The following ITPR1 variants were observed in gnomAD, a reference collection of about 807,000 sequenced individuals.
The protein encoded by ITPR1 is inositol 1,4,5-trisphosphate receptor type 1.
Under a neutral mutation model 318.4 loss-of-function variants are expected in ITPR1, and 96 were observed. The observed-to-expected ratio is 0.30, with a 90% CI of 0.26 to 0.36. The LOEUF is 0.36. Ranked by LOEUF, ITPR1 falls within the 10% of genes least tolerant of loss-of-function variation. ITPR1 has a pLI of 1.00. For missense variants in ITPR1, 2,440 were observed against 3,460.2 expected, an observed-to-expected ratio of 0.71 and a Z score of 7.40; for synonymous variants, 1,312 against 1,289.9, an observed-to-expected ratio of 1.02 and a Z score of -0.37.
intron 4 of ITPR1, among the ~76,000 whole-genome samples, chr3:4,559,762 C>T (rs987762744): frequency 6.6e-6 from 1 of 152,154 alleles, no homozygotes; most frequent in Non-Finnish European, 1.5e-5. Flanking sequence ...TCCATATAAT[C>T]CACACAAGGA....
At chr3:4,717,502 G>C in intron 40 of ITPR1, 103 bp downstream of exon 40, 2 of 950,302 alleles carry the variant, frequency 2.1e-6, no homozygotes, top group Non-Finnish European at 1.7e-6. Context: ...ACAGCGTCGA[G>C]TATCTGGCTT....
Position 4,627,854 on chromosome 3 carries a change from C to T in ITPR1, c.255C>T (p.Asp85=), listed in dbSNP as rs367814655. ...AGCCTGGGGCCAACAGCACCACAGA[C>T]GCAGTGCTACTCAACAAACTGCACG... ...AAKPGANSTT[D]AVLLNKLHHA... Residue 85 remains aspartate, a synonymous_variant, in exon 5 of 62, where the codon GAC becomes GAT. Transcript: ENST00000649015. The T allele has an allele frequency of 3.8e-4, 611 of 1,612,872 alleles. 1 individual carries two copies. Among genetic ancestry groups the T allele is most frequent in the Non-Finnish European group, 4.6e-4 (546 of 1,179,180 alleles).
At chr3:4,509,163 C>A (rs1407584082) in intron 2 of ITPR1, among the ~76,000 whole-genome samples, 1 of 152,072 alleles carries the variant, frequency 6.6e-6, no homozygotes, top group Admixed American at 6.6e-5. Flanking sequence ...TGAAAGGTTG[C>A]CCCCTTTTTT....
chr3:4,672,795 A>T (rs188201165), intron 20 of ITPR1, among the ~76,000 whole-genome samples: 2 of 152,204 alleles, frequency 1.3e-5, no homozygotes, highest in East Asian at 3.8e-4. Context: ...AAAGAAATAG[A>T]CAACCATCTT....
At chr3:4,672,988 G>T in intron 20 of ITPR1, 148 bp from the exon 21 acceptor site, 1 of 770,762 alleles carries the variant, frequency 1.3e-6, no homozygotes, top group Non-Finnish European at 2.0e-6. Flanking sequence ...CCAAAATCCT[G>T]GTATACAAGA....
chr3:4,498,039 A>G (rs1425723270), intron 2 of ITPR1, among the ~76,000 whole-genome samples: 1 of 152,168 alleles, frequency 6.6e-6, no homozygotes, highest in Non-Finnish European at 1.5e-5. Context: ...GCTGGGGGAG[A>G]TAGAAGACAG....
rs186402990 is a variant in ITPR1, at chr3:4,530,293, G to A, written c.163+9199G>A. Among the ~76,000 whole-genome samples the A allele has an allele frequency of 2.0e-5, 3 of 152,250 alleles. No homozygotes were observed. In the East Asian group the frequency reaches 5.8e-4, roughly 29 times the overall value. Reference sequence around the variant, plus strand: ...GCCCTGCACTCCTGGCCCAGCACCTGGCATAATGTTGGTCCTTCTTTAAAT... The same window carrying A: ...GCCCTGCACTCCTGGCCCAGCACCTAGCATAATGTTGGTCCTTCTTTAAAT... On this transcript the variant is annotated intron_variant, in intron 4 of 61. Coordinates refer to ENST00000649015, the MANE Select transcript of ITPR1 (RefSeq NM_001378452.1).
In ITPR1 at chr3:4,710,366, G is replaced by A. The variant is rs772650339; in HGVS notation, c.4884G>A (p.Val1628=). ...TGGAGGACCGTCTCAGGCCCCTGGT[G>A]CAGGCAGAGTTATCTGTGCTCGTGG... ...SALEDRLRPL[V]QAELSVLVDV... is the part of the protein sequence containing the mutation. Residue 1628 remains valine, a synonymous_variant, in exon 38 of 62, where the codon GTG becomes GTA. Coordinates refer to ENST00000649015, the MANE Select transcript of ITPR1 (RefSeq NM_001378452.1). The surrounding 1 kb of genome is among the most constrained non-coding windows in gnomAD (Gnocchi z 4.2). 8.9e-6 allele frequency: 14 copies of A among 1,568,976 alleles called. No homozygotes were observed. The South Asian group carries it at 1.6e-4, about 18-fold the overall frequency.
At position 4,645,772 on chromosome 3, in the gene ITPR1, C is replaced by T. The variant is rs775347307; in HGVS notation, c.855+44C>T. On this transcript the variant is annotated intron_variant, in intron 10 of 61. Transcript: ENST00000649015. The stretch of plus-strand genomic sequence containing the variant: ...AAGGGCTCCTGGGTTTAGAGGATAT[C>T]AGCCTGTATATAGGCTCTCTCTCTC... 12 of 1,530,972 alleles carry T rather than the reference C, an allele frequency of 7.8e-6. No individual in the cohort carries two copies. The African/African-American group carries it at 2.0e-4, about 26-fold the overall frequency. The allele number at this position is 1,530,972 out of a possible 1,614,324, so 94.8% of individuals were successfully genotyped here.
At chr3:4,691,476 A>G (rs1342577982) in intron 32 of ITPR1, 132 bp downstream of exon 32, 5 of 620,648 alleles carry the variant, frequency 8.1e-6, no homozygotes, top group Non-Finnish European at 1.4e-5. Context: ...TTGTGTGTGC[A>G]TATGTCTGTG....
intron 40 of ITPR1, among the ~76,000 whole-genome samples, chr3:4,720,681 G>A (rs138528810): frequency 4.1e-4 from 62 of 152,272 alleles, no homozygotes; most frequent in Admixed American, 1.1e-3. Context: ...CAACAAAAAA[G>A]CTAAATTCAC....
rs114570412 is a variant in ITPR1, at chr3:4,663,281, A to G, written c.1554+75A>G. ...AGCATGAGTGGTAGCTCATGCCTGT[A>G]GTCCCAGCACTTTGGGAAGCCGAGG... is the stretch of plus-strand genomic sequence containing the variant. On this transcript the variant is annotated intron_variant, in intron 16 of 61. Transcript: ENST00000649015. 2,685 of 1,402,216 alleles carry G rather than the reference A, an allele frequency of 1.9e-3. 42 individuals carry two copies. The African/African-American group carries it at 0.033, about 17-fold the overall frequency. The allele number at this position is 1,402,216 out of a possible 1,614,324, so 86.9% of individuals were successfully genotyped here.
chr3:4,767,529 A>C (rs2045896896), intron 45 of ITPR1, among the ~76,000 whole-genome samples: 1 of 152,170 alleles, frequency 6.6e-6, no homozygotes, highest in Non-Finnish European at 1.5e-5. Flanking sequence ...TTTTTAAAAA[A>C]CGAAATCTTG....
In ITPR1 at chr3:4,676,821, G is replaced by A; in HGVS notation, c.2967+20G>A. ...CTCCAGGTATCCACTAGCTGGAGCT[G>A]GGGTAGGGAGGGTATGTCACAGAGG... is the stretch of plus-strand genomic sequence containing the variant. On this transcript the variant is annotated intron_variant, in intron 24 of 61. Transcript: ENST00000649015. 6.3e-7 allele frequency: 1 copy of A among 1,584,220 alleles called. No individual in the cohort carries two copies. The highest frequency in any genetic ancestry group is 8.6e-7 in the Non-Finnish European group (1 of 1,158,636).
At chr3:4,756,729 C>T (rs1022699057) in intron 44 of ITPR1, among the ~76,000 whole-genome samples, 1 of 152,136 alleles carries the variant, frequency 6.6e-6, no homozygotes, top group African/African-American at 2.4e-5. Context: ...TGGGAATTGC[C>T]ATTCATTGTG....
chr3:4,534,519 G>A (rs542182729), intron 4 of ITPR1, among the ~76,000 whole-genome samples: 2 of 152,292 alleles, frequency 1.3e-5, no homozygotes, highest in South Asian at 2.1e-4. Context: ...AAGAACCCAC[G>A]TGTTTTCCTT....
intron 4 of ITPR1, among the ~76,000 whole-genome samples, chr3:4,583,516 C>T (rs569910226): frequency 6.6e-6 from 1 of 152,130 alleles, no homozygotes; most frequent in Non-Finnish European, 1.5e-5. Flanking sequence ...TTTGTAGTTT[C>T]TCAGCATTTT....
chr3:4,663,003 C>G (rs2093870157), intron 15 of ITPR1, 62 bp from the exon 16 acceptor site: 1 of 1,515,748 alleles, frequency 6.6e-7, no homozygotes, highest in Non-Finnish European at 9.1e-7. Flanking sequence ...GCTTCCAAGG[C>G]AAAGCTTCCA....
chr3:4,759,253 G>A (rs1054622984), intron 44 of ITPR1, among the ~76,000 whole-genome samples: 1 of 152,240 alleles, frequency 6.6e-6, no homozygotes, highest in Non-Finnish European at 1.5e-5. Context: ...GGATGGGGGA[G>A]CCAGGCTAAT....
Sources: allele counts gnomAD v4.1 joint callset (sites outside exome capture counted in the v4.1 genomes callset), GRCh38; gene constraint gnomAD v4.1.1; non-coding constraint Gnocchi (gnomAD v3.1); transcripts MANE v1.5; gene names NCBI Gene and HGNC (gene_info 2026-07-23, HGNC 2026-07-21).